Variants in PTN observed in about 807,000 individuals in gnomAD.
The protein encoded by PTN is pleiotrophin, also known as heparin affin regulatory protein.
In PTN, 18 loss-of-function variants were observed where a neutral mutation model predicts 24.1. The ratio of observed to expected loss-of-function variants is 0.75; its 90% CI spans 0.52 to 1.11. The LOEUF is 1.11. PTN is among the 50% of genes least tolerant of loss of function. PTN has a pLI of 0.00. For synonymous variants in PTN, 78 were observed against 68.6 expected, an observed-to-expected ratio of 1.14 and a Z score of -0.67; for missense variants, 163 against 198.8, an observed-to-expected ratio of 0.82 and a Z score of 1.08.
chr7:137,232,826 G>A (rs1808451048), intron 4 of PTN, among the ~76,000 whole-genome samples: 1 of 151,870 alleles, frequency 6.6e-6, no homozygotes, highest in Admixed American at 6.6e-5. Flanking sequence ...GTGATAGTGA[G>A]TGAGTCTTAT....
At chr7:137,306,406 G>GT (rs1342827137) in intron 1 of PTN, among the ~76,000 whole-genome samples, 6 of 152,028 alleles carry the variant, frequency 3.9e-5, no homozygotes, top group Non-Finnish European at 8.8e-5. Context: ...AAGGAGGAGT[G>GT]TTTTTCCTCA....
At chr7:137,254,501 T>C (rs1028627141) in intron 2 of PTN, among the ~76,000 whole-genome samples, 4 of 151,454 alleles carry the variant, frequency 2.6e-5, no homozygotes, top group Non-Finnish European at 1.5e-5. Flanking sequence ...TTTCCTCCTC[T>C]GTAAATCTGA....
At chr7:137,263,183 G>A (rs1044864461) in intron 1 of PTN, among the ~76,000 whole-genome samples, 3 of 152,136 alleles carry the variant, frequency 2.0e-5, no homozygotes, top group Admixed American at 1.3e-4. Context: ...GCAAACAAGG[G>A]AGCAGTAAGC....
chr7:137,336,774 C>T (rs1810456100), intron 1 of PTN, among the ~76,000 whole-genome samples: 1 of 152,148 alleles, frequency 6.6e-6, no homozygotes, highest in South Asian at 2.1e-4. Flanking sequence ...TCTGGTGCTG[C>T]TTCACCATGA....
chr7:137,332,729 T>C (rs966681128), intron 1 of PTN, among the ~76,000 whole-genome samples: 2 of 152,144 alleles, frequency 1.3e-5, no homozygotes, highest in Non-Finnish European at 2.9e-5. Flanking sequence ...TTTGAGGAGC[T>C]GACTTGACCC....
chr7:137,259,004 T>C (rs1280961429), intron 1 of PTN, among the ~76,000 whole-genome samples: 1 of 152,124 alleles, frequency 6.6e-6, no homozygotes, highest in African/African-American at 2.4e-5. Flanking sequence ...CTTTTCCTAC[T>C]GCAATCATTC....
Position 137,341,498 on chromosome 7 carries a change from T to A in PTN, c.-2+1941A>T, listed in dbSNP as rs117751580. On this transcript the variant is annotated intron_variant, in intron 1 of 4. Transcript: ENST00000348225. ...ATATAATACATATAATACATTAGAC[T>A]ATAAATATAGTTAGGTATACCTTAT... is the stretch of plus-strand genomic sequence containing the variant. 7.7e-3 allele frequency among the ~76,000 whole-genome samples: 1,155 copies of A among 149,434 alleles called. 16 individuals are homozygous for A. The highest frequency in any genetic ancestry group is 0.017 in the Middle Eastern group (5 of 294).
chr7:137,305,234 T>C (rs908702770), intron 1 of PTN, among the ~76,000 whole-genome samples: 1 of 152,090 alleles, frequency 6.6e-6, no homozygotes, highest in Non-Finnish European at 1.5e-5. Context: ...ATTCACCATG[T>C]TCCTCCTCCA....
chr7:137,288,696 T>C (rs897852635), intron 1 of PTN, among the ~76,000 whole-genome samples: 4 of 152,246 alleles, frequency 2.6e-5, no homozygotes, highest in Non-Finnish European at 4.4e-5. Flanking sequence ...GAAATAAACA[T>C]TTATTTGGGG....
At chr7:137,303,121 G>C (rs1809833179) in intron 1 of PTN, among the ~76,000 whole-genome samples, 2 of 151,696 alleles carry the variant, frequency 1.3e-5, no homozygotes, top group African/African-American at 4.8e-5. Flanking sequence ...ATTTTATATG[G>C]CTCTGAATTC....
chr7:137,321,133 C>G (rs1810155630), intron 1 of PTN, among the ~76,000 whole-genome samples: 1 of 152,156 alleles, frequency 6.6e-6, no homozygotes, highest in South Asian at 2.1e-4. Context: ...TGTTTTCATG[C>G]TGCAGGTGGT....
chr7:137,312,535 A>G (rs1182580310), intron 1 of PTN, among the ~76,000 whole-genome samples: 1 of 152,196 alleles, frequency 6.6e-6, no homozygotes, highest in African/African-American at 2.4e-5. Context: ...CAGCTTTCCA[A>G]TTCAGCTTAA....
intron 1 of PTN, among the ~76,000 whole-genome samples, chr7:137,329,364 G>C (rs948576093): frequency 3.3e-5 from 5 of 152,162 alleles, no homozygotes; most frequent in African/African-American, 1.2e-4. Flanking sequence ...GCTCTTGGTA[G>C]TTCCTAGGAG....
rs142529569 is a variant in PTN, at chr7:137,304,824, C to A, written c.-2+38615G>T. The stretch of plus-strand genomic sequence containing the variant: ...CTCTGAGCTTGTCTTCTTTAAGCAT[C>A]CTGGTGGCGCTGTTTGGGAGCTGAC... On this transcript the variant is annotated intron_variant, in intron 1 of 4. Transcript: ENST00000348225. Among the ~76,000 whole-genome samples the A allele has an allele frequency of 9.0e-3, 1,370 of 152,114 alleles. 12 individuals are homozygous for A. The highest frequency in any genetic ancestry group is 0.031 in the Middle Eastern group (9 of 294).
intron 1 of PTN, among the ~76,000 whole-genome samples, chr7:137,305,892 A>T (rs1051058994): frequency 2.0e-5 from 3 of 152,122 alleles, no homozygotes; most frequent in Non-Finnish European, 2.9e-5. Flanking sequence ...GAATAATCAG[A>T]GATTCTATCC....
chr7:137,242,074 T>C (rs1808638128), intron 4 of PTN, among the ~76,000 whole-genome samples: 1 of 152,198 alleles, frequency 6.6e-6, no homozygotes, highest in Non-Finnish European at 1.5e-5. Flanking sequence ...TTCTTTTATC[T>C]TTAAAAGAAC....
At chr7:137,249,369 T>C (rs1808782354) in intron 4 of PTN, among the ~76,000 whole-genome samples, 1 of 151,996 alleles carries the variant, frequency 6.6e-6, no homozygotes, top group Admixed American at 6.6e-5. Flanking sequence ...GCAGTAGTTC[T>C]CAATTTTGGC....
chr7:137,286,354 C>T (rs3959914), intron 1 of PTN, among the ~76,000 whole-genome samples: 90,039 of 151,952 alleles, frequency 0.59, 27,396 homozygotes, highest in South Asian at 0.69. Flanking sequence ...AACCCCACTA[C>T]TTATGGTTAC....
intron 1 of PTN, among the ~76,000 whole-genome samples, chr7:137,268,052 T>C (rs1311043926): frequency 6.6e-6 from 1 of 151,714 alleles, no homozygotes; most frequent in East Asian, 1.9e-4. Flanking sequence ...CTCAAATGAG[T>C]GGGCAAGTTC....
Sources: gnomAD v4.1 joint callset for allele counts (sites outside exome capture counted in the v4.1 genomes callset) on GRCh38, gnomAD v4.1.1 for gene constraint, MANE v1.5 for transcripts, NCBI Gene and HGNC (gene_info 2026-07-23, HGNC 2026-07-21) for gene names.